Variants in UGT8 observed in about 807,000 individuals in gnomAD.
The protein encoded by UGT8 is UDP glycosyltransferase 8.
A neutral mutation model predicts 40.5 loss-of-function variants in UGT8; 12 were observed. The observed-to-expected ratio is 0.30, with a 90% CI of 0.19 to 0.48. The LOEUF (loss-of-function observed/expected upper bound fraction) is 0.48, where lower values mean the gene tolerates loss of function less well. Ranked by LOEUF, UGT8 falls within the 20% of genes least tolerant of loss-of-function variation. UGT8 has a pLI of 0.99. For missense variants in UGT8, 513 were observed against 648.7 expected (o/e 0.79, Z 2.27); for synonymous variants, 224 against 240.4 (o/e 0.93, Z 0.63).
chr4:114,674,879 G>C lies in UGT8; in HGVS notation c.1263-1046G>C, dbSNP rs186179522. On this transcript the variant is annotated intron_variant, in intron 5 of 5. Coordinates refer to ENST00000310836, the MANE Select transcript of UGT8 (RefSeq NM_001128174.3). ...AAACTTCAGTCATGAATTCATGCAA[G>C]GGGGATTTAGCCATTTGTCAAAGAT... Among the ~76,000 whole-genome samples the C allele has an allele frequency of 6.8e-3, 1,039 of 152,282 alleles. 8 individuals carry two copies. Among genetic ancestry groups the C allele is most frequent in the Non-Finnish European group, 0.01 (690 of 68,024 alleles).
rs1165229419 is a variant in UGT8, at chr4:114,623,270, A to C, written c.390A>C (p.Glu130Asp). The change falls in exon 2 of 6, where the codon GAA (glutamate) becomes GAC (aspartate). Residue 130 changes from glutamate to aspartate, a missense_variant. Glu to Asp is a conservative substitution (Grantham distance 45). This residue lies in a region of UGT8 where 335 missense variants were observed against 444.8 expected (regional missense o/e 0.75). Coordinates refer to ENST00000310836, the MANE Select transcript of UGT8 (RefSeq NM_001128174.3). Reference protein sequence around the residue: ...NHALIQGLKKEKFDLLLVDPN... With the variant: ...NHALIQGLKKDKFDLLLVDPN... ...CCCTGATCCAGGGTCTGAAGAAAGA[A>C]AAATTTGACCTGCTGCTGGTGGACC... 1.9e-6 allele frequency: 3 copies of C among 1,614,072 alleles called. No homozygotes were observed. Among genetic ancestry groups the C allele is most frequent in the Non-Finnish European group, 2.5e-6 (3 of 1,180,038 alleles).
intron 1 of UGT8, among the ~76,000 whole-genome samples, chr4:114,612,155 T>A (rs1731132217): frequency 1.3e-5 from 2 of 152,190 alleles, no homozygotes; most frequent in Non-Finnish European, 2.9e-5. Context: ...TACTTACTAA[T>A]TGGTTATTGA....
At position 114,677,811 on chromosome 4, in the gene UGT8, G is replaced by A. The variant is rs1735744818; in HGVS notation, c.*1523G>A. ...TAATGTCATTCACTAACATGGAAGA[G>A]TTGTGAAAATTCTAGAGTGCTGTAA... is the stretch of plus-strand genomic sequence containing the variant. On this transcript the variant is annotated 3_prime_UTR_variant, in exon 6 of 6. Coordinates refer to ENST00000310836, the MANE Select transcript of UGT8 (RefSeq NM_001128174.3). 3 of 152,160 alleles carry A rather than the reference G, an allele frequency of 2.0e-5. No individual in the cohort carries two copies. The South Asian group carries it at 6.2e-4, about 32-fold the overall frequency. The allele number at this position is 152,160 out of a possible 1,614,324, so 9.4% of individuals were successfully genotyped here.
At chr4:114,621,132 T>C (rs1398994738) in intron 1 of UGT8, among the ~76,000 whole-genome samples, 2 of 152,158 alleles carry the variant, frequency 1.3e-5, no homozygotes, top group African/African-American at 4.8e-5. Context: ...AAGACAACTT[T>C]ATTACACATA....
chr4:114,615,733 A>C (rs1008252720), intron 1 of UGT8, among the ~76,000 whole-genome samples: 5 of 152,182 alleles, frequency 3.3e-5, no homozygotes, highest in African/African-American at 1.2e-4. Flanking sequence ...ATACATTAGA[A>C]ATTGCACATA....
chr4:114,660,154 A>G (rs1197001085), intron 2 of UGT8, among the ~76,000 whole-genome samples: 1 of 152,214 alleles, frequency 6.6e-6, no homozygotes, highest in Non-Finnish European at 1.5e-5. Context: ...AAAGCTTGCT[A>G]ATAACAGTAA....
intron 1 of UGT8, among the ~76,000 whole-genome samples, chr4:114,602,079 T>G (rs1161391901): frequency 6.6e-6 from 1 of 152,206 alleles, no homozygotes; most frequent in Non-Finnish European, 1.5e-5. Context: ...TAAAAGGTTT[T>G]AATGTACCTT....
rs750283767 is a variant in UGT8, at chr4:114,656,820, C to CT, written c.823-7172dup. 2.4e-4 allele frequency: 125 copies of CT among 520,272 alleles called. 2 individuals are homozygous for CT. Among genetic ancestry groups the CT allele is most frequent in the South Asian group, 1.8e-3 (124 of 69,256 alleles). 32.2% of individuals were successfully genotyped at this position (520,272 alleles called of 1,614,324 possible). On this transcript the variant is annotated intron_variant, in intron 2 of 5. Coordinates refer to ENST00000310836, the MANE Select transcript of UGT8 (RefSeq NM_001128174.3). Reference sequence around the variant, plus strand: ...ATGAATCTGAGGCCAGGTTTCAATACTTTATCTGCTCTTCATTTCCCCATA... The same window carrying CT: ...ATGAATCTGAGGCCAGGTTTCAATACTTTTATCTGCTCTTCATTTCCCCATA...
intron 2 of UGT8, among the ~76,000 whole-genome samples, chr4:114,653,929 A>G (rs2126124596): frequency 6.6e-6 from 1 of 152,174 alleles, no homozygotes; most frequent in South Asian, 2.1e-4. Context: ...ATAGAAGGTG[A>G]CCAGCAAAAG....
chr4:114,641,406 G>T (rs749855505), intron 2 of UGT8, among the ~76,000 whole-genome samples: 12 of 152,132 alleles, frequency 7.9e-5, no homozygotes, highest in Admixed American at 3.9e-4. Flanking sequence ...AACTGCCCTG[G>T]ATGACCCAAT....
At chr4:114,646,262 A>G (rs1000492564) in intron 2 of UGT8, among the ~76,000 whole-genome samples, 1 of 152,084 alleles carries the variant, frequency 6.6e-6, no homozygotes, top group African/African-American at 2.4e-5. Flanking sequence ...CTTTATTTGA[A>G]CAAAAGAGCA....
intron 2 of UGT8, among the ~76,000 whole-genome samples, chr4:114,633,461 A>G (rs908407133): frequency 3.3e-5 from 5 of 152,166 alleles, no homozygotes; most frequent in Non-Finnish European, 5.9e-5. Context: ...AGGACTTTAC[A>G]TTTTGAAGAA....
intron 2 of UGT8, among the ~76,000 whole-genome samples, chr4:114,649,309 A>T (rs1397626296): frequency 1.3e-5 from 2 of 152,310 alleles, no homozygotes; most frequent in East Asian, 1.9e-4. Context: ...CCATATTTAC[A>T]GTCAATCAGA....
At chr4:114,614,933 A>G (rs1731313449) in intron 1 of UGT8, among the ~76,000 whole-genome samples, 1 of 150,602 alleles carries the variant, frequency 6.6e-6, no homozygotes, top group South Asian at 2.1e-4. Context: ...ACCTCAAATC[A>G]GTATGTTCCC....
chr4:114,658,134 C>G (rs1734299405), intron 2 of UGT8, among the ~76,000 whole-genome samples: 1 of 152,094 alleles, frequency 6.6e-6, no homozygotes, highest in Non-Finnish European at 1.5e-5. Flanking sequence ...TCAAAATGTT[C>G]ACTATCATTT....
chr4:114,645,115 A>G (rs1733486772), intron 2 of UGT8, among the ~76,000 whole-genome samples: 1 of 152,198 alleles, frequency 6.6e-6, no homozygotes, highest in African/African-American at 2.4e-5. Flanking sequence ...GGCTGTGTTT[A>G]TGTTGAAGAA....
intron 1 of UGT8, among the ~76,000 whole-genome samples, chr4:114,609,895 A>C (rs1730944256): frequency 6.6e-6 from 1 of 152,176 alleles, no homozygotes; most frequent in African/African-American, 2.4e-5. Context: ...ATTTTGTAAC[A>C]TTTAGAATTA....
chr4:114,659,525 G>A (rs1184835146), intron 2 of UGT8, among the ~76,000 whole-genome samples: 3 of 152,122 alleles, frequency 2.0e-5, no homozygotes, highest in Admixed American at 6.5e-5. Context: ...ACCCATAGAA[G>A]TAGTCCGGGA....
At chr4:114,617,775 A>C (rs1731530328) in intron 1 of UGT8, among the ~76,000 whole-genome samples, 1 of 152,218 alleles carries the variant, frequency 6.6e-6, no homozygotes, top group African/African-American at 2.4e-5. Context: ...TGGTGGATTC[A>C]AAGGCTGACA....
Sources: allele counts gnomAD v4.1 joint callset (sites outside exome capture counted in the v4.1 genomes callset), GRCh38; gene constraint gnomAD v4.1.1; regional missense constraint gnomAD v4.1.1; transcripts MANE v1.5; gene names NCBI Gene and HGNC (gene_info 2026-07-23, HGNC 2026-07-21).